ARID4B: variants seen among roughly 807,000 people sequenced by gnomAD.
The protein encoded by ARID4B is AT-rich interactive domain-containing protein 4B.
A neutral mutation model predicts 147.5 loss-of-function variants in ARID4B; 26 were observed. That is an observed-to-expected ratio of 0.18 (90% CI 0.13 to 0.24). ARID4B has a LOEUF of 0.24. Among genes scored for constraint, ARID4B ranks in the 10% least tolerant of loss-of-function variants. The pLI is 1.00. For missense variants in ARID4B, 1,179 were observed against 1,511.5 expected, an observed-to-expected ratio of 0.78 and a Z score of 3.65; for synonymous variants, 512 against 507.9, an observed-to-expected ratio of 1.01 and a Z score of -0.11.
intron 6 of ARID4B, among the ~76,000 whole-genome samples, chr1:235,251,921 G>C (rs1233207998): frequency 6.6e-6 from 1 of 152,126 alleles, no homozygotes; most frequent in Non-Finnish European, 1.5e-5. Flanking sequence ...TAAGGATATG[G>C]CTTTGGTGCT....
chr1:235,219,092 G>A (rs369732622), intron 16 of ARID4B, among the ~76,000 whole-genome samples: 4 of 151,924 alleles, frequency 2.6e-5, no homozygotes, highest in African/African-American at 7.3e-5. Flanking sequence ...TTGAAATCCC[G>A]ACATCAAGTG....
At chr1:235,249,818 T>G (rs942262440) in intron 6 of ARID4B, among the ~76,000 whole-genome samples, 26 of 151,568 alleles carry the variant, frequency 1.7e-4, no homozygotes, top group Non-Finnish European at 2.6e-4. Context: ...CACACGACTG[T>G]AGTCCCAGCT....
At chr1:235,227,667 C>T (rs1267933369) in intron 11 of ARID4B, among the ~76,000 whole-genome samples, 3 of 152,052 alleles carry the variant, frequency 2.0e-5, no homozygotes, top group Non-Finnish European at 4.4e-5. Context: ...CTTGTCACTG[C>T]CAGATCTAAA....
chr1:235,306,636 G>A, intron 2 of ARID4B, among the ~76,000 whole-genome samples: 1 of 152,040 alleles, frequency 6.6e-6, no homozygotes, highest in Non-Finnish European at 1.5e-5. Flanking sequence ...TAATTTTAGG[G>A]CTCTGTATGA....
At chr1:235,276,256 CATTAGTAGCATTAGCAAACTAACGCTA>C (rs1410955230) in intron 2 of ARID4B, among the ~76,000 whole-genome samples, 2 of 138,472 alleles carry the variant, frequency 1.4e-5, no homozygotes, top group African/African-American at 2.7e-5. Context: ...ATTATTATAA[CATTAGTAGCATTAGCAAACTAACGCTA>C]ATTAGTAGCA....
intron 17 of ARID4B, among the ~76,000 whole-genome samples, chr1:235,207,798 G>GT: frequency 6.6e-6 from 1 of 152,238 alleles, no homozygotes; most frequent in South Asian, 2.1e-4. Context: ...CTTTTACCAG[G>GT]TTTTTTCATC....
chr1:235,252,929 C>T, intron 5 of ARID4B, 120 bp from the exon 6 acceptor site: 1 of 669,574 alleles, frequency 1.5e-6, no homozygotes, highest in Non-Finnish European at 2.4e-6. Context: ...ATTTGGAATT[C>T]AATTCACATT....
intron 17 of ARID4B, among the ~76,000 whole-genome samples, chr1:235,208,653 C>A (rs1409335103): frequency 6.7e-6 from 1 of 150,240 alleles, no homozygotes; most frequent in Non-Finnish European, 1.5e-5. Context: ...TAGGCATGTG[C>A]CTCCATGCCT....
In ARID4B at chr1:235,220,333, A is replaced by G. The variant is rs773969200; in HGVS notation, c.1376T>C (p.Ile459Thr). The G allele has an allele frequency of 3.7e-6, 6 of 1,603,930 alleles. No individual in the cohort carries two copies. The highest frequency in any genetic ancestry group is 5.1e-6 in the Non-Finnish European group (6 of 1,176,240). The change falls in exon 15 of 24, where the codon ATT becomes ACT. Residue 459 changes from isoleucine to threonine, a missense_variant. Ile to Thr is a moderately conservative substitution (Grantham distance 89). Transcript: ENST00000264183. ...GGGCTTAATATTTTCTTTTCTTTCA[A>G]TTTCATCCTCAATAGGCTTTTCTTC... is the stretch of plus-strand genomic sequence containing the variant. ...PREEKPIEDE[I>T]ERKENIKPSL...
At chr1:235,194,649 C>T (rs1447216655) in intron 18 of ARID4B, among the ~76,000 whole-genome samples, 6 of 152,092 alleles carry the variant, frequency 3.9e-5, no homozygotes, top group South Asian at 2.1e-4. Flanking sequence ...GGAGAAACCC[C>T]GTCTCTACTA....
At chr1:235,188,667 C>T (rs188676480) in intron 19 of ARID4B, among the ~76,000 whole-genome samples, 1 of 152,220 alleles carries the variant, frequency 6.6e-6, no homozygotes, top group Admixed American at 6.5e-5. Context: ...TCAACTAGAT[C>T]CTAGAACACT....
At chr1:235,318,830 A>G (rs1674623720) in intron 2 of ARID4B, among the ~76,000 whole-genome samples, 1 of 152,038 alleles carries the variant, frequency 6.6e-6, no homozygotes, top group Non-Finnish European at 1.5e-5. Context: ...GCAGTGAGCC[A>G]TGGTCGAGCC....
chr1:235,215,862 T>C (rs1373940692), intron 16 of ARID4B, among the ~76,000 whole-genome samples: 1 of 151,926 alleles, frequency 6.6e-6, no homozygotes, highest in Non-Finnish European at 1.5e-5. Flanking sequence ...GTGCTGGGAT[T>C]ATAGGTGTGA....
intron 2 of ARID4B, among the ~76,000 whole-genome samples, chr1:235,279,734 C>A (rs1671546623): frequency 6.6e-6 from 1 of 152,108 alleles, no homozygotes; most frequent in Admixed American, 6.5e-5. Context: ...GTGGTTGTGT[C>A]TAAAACAATA....
intron 2 of ARID4B, among the ~76,000 whole-genome samples, chr1:235,281,761 A>G (rs944138020): frequency 6.6e-6 from 1 of 152,216 alleles, no homozygotes; most frequent in African/African-American, 2.4e-5. Context: ...TTATTTATTT[A>G]ACAGTGGTAA....
At position 235,198,577 on chromosome 1, in the gene ARID4B, G is replaced by A. The variant is rs1308590189; in HGVS notation, c.1842-2462C>T. Among the ~76,000 whole-genome samples the A allele has an allele frequency of 1.1e-4, 16 of 152,188 alleles. 1 individual carries two copies. Among genetic ancestry groups the A allele is most frequent in the Admixed American group, 9.2e-4 (14 of 15,274 alleles). On this transcript the variant is annotated intron_variant, in intron 17 of 23. Transcript: ENST00000264183. ...GGCTGGGGCCCACTGCCTAAGCTCT[G>A]TAAATCCTATATGGTAATCATGTTC...
intron 2 of ARID4B, among the ~76,000 whole-genome samples, chr1:235,297,084 C>G (rs553284145): frequency 1.3e-5 from 2 of 152,100 alleles, no homozygotes; most frequent in East Asian, 3.9e-4. Flanking sequence ...AGATGCGGAG[C>G]AGGAAATGTA....
chr1:235,213,836 T>C lies in ARID4B; in HGVS notation c.1774A>G (p.Ile592Val). The C allele has an allele frequency of 1.2e-6, 2 of 1,614,130 alleles. No homozygotes were observed. Among genetic ancestry groups the C allele is most frequent in the Non-Finnish European group, 1.7e-6 (2 of 1,179,998 alleles). Residue 592 changes from isoleucine to valine, a missense_variant, in exon 17 of 24, where the codon ATT (isoleucine) becomes GTT (valine). Physicochemically the swap from Ile to Val is conservative, Grantham distance 29 (BLOSUM62 3). This residue lies in a region of ARID4B where 28 missense variants were observed against 67.6 expected (regional missense o/e 0.41). Coordinates refer to ENST00000264183, the MANE Select transcript of ARID4B (RefSeq NM_016374.6). Reference protein sequence around the residue: ...GKNQKMYEASIKDSDVEGGEV... With the variant: ...GKNQKMYEASVKDSDVEGGEV... ...CCACCTTCGACATCAGAATCTTTAA[T>C]ACTAGCTTCATACATTTTTTGATTT...
chr1:235,324,401 G>A (rs996127319), intron 2 of ARID4B, among the ~76,000 whole-genome samples: 1 of 152,124 alleles, frequency 6.6e-6, no homozygotes. Context: ...AATTCTTAAA[G>A]GTAGTACATG....
Sources: allele counts gnomAD v4.1 joint callset (sites outside exome capture counted in the v4.1 genomes callset), GRCh38; gene constraint gnomAD v4.1.1; regional missense constraint gnomAD v4.1.1; transcripts MANE v1.5; gene names NCBI Gene and HGNC (gene_info 2026-07-23, HGNC 2026-07-21).